FANCD2: variants seen among roughly 807,000 people sequenced by gnomAD.
FANCD2 encodes the protein Fanconi anemia group D2 protein.
A neutral mutation model predicts 192.3 loss-of-function variants in FANCD2; 131 were observed. That is an observed-to-expected ratio of 0.68 (90% CI 0.59 to 0.79). FANCD2 has a LOEUF of 0.79. Among genes scored for constraint, FANCD2 ranks in the 30% least tolerant of loss-of-function variants. The pLI is 0.00. For synonymous variants in FANCD2, 524 were observed against 612.5 expected, an observed-to-expected ratio of 0.86 and a Z score of 2.13; for missense variants, 1,508 against 1,701.6, an observed-to-expected ratio of 0.89 and a Z score of 2.00.
At chr3:10,032,708 G>A in intron 2 of FANCD2, 124 bp from the exon 3 acceptor site, 2 of 785,924 alleles carry the variant, frequency 2.5e-6, no homozygotes, top group Non-Finnish European at 4.3e-6. Flanking sequence ...TTTCACTACA[G>A]CATCAATCCT....
chr3:10,080,856 G>A (rs1693792681), intron 30 of FANCD2, among the ~76,000 whole-genome samples: 1 of 152,172 alleles, frequency 6.6e-6, no homozygotes, highest in East Asian at 1.9e-4. Context: ...TATCTGATTA[G>A]TTATGATAGG....
intron 19 of FANCD2, among the ~76,000 whole-genome samples, chr3:10,061,387 T>G (rs1325927338): frequency 3.9e-5 from 6 of 152,148 alleles, no homozygotes; most frequent in Admixed American, 3.9e-4. Flanking sequence ...TGACACACAT[T>G]AATAATGGGA....
rs772882515 is a variant in FANCD2 at position 10,049,515 on chromosome 3, T to C, written c.1545+10T>C. 18 of 1,601,328 alleles carry C rather than the reference T, an allele frequency of 1.1e-5. No individual in the cohort carries two copies. In the Admixed American group the frequency reaches 1.3e-4, roughly 12 times the overall value. On this transcript the variant is annotated intron_variant, in intron 17 of 43. Transcript: ENST00000675286. The stretch of plus-strand genomic sequence containing the variant: ...TGCTGTCTTTGTAAAGGTATCTTAT[T>C]GGCTTCTTGTACTTTAGATATTGAA...
chr3:10,099,901 G>T (rs993187653), intron 43 of FANCD2, among the ~76,000 whole-genome samples: 6 of 151,936 alleles, frequency 3.9e-5, no homozygotes, highest in African/African-American at 1.5e-4. Context: ...AGATCATTTA[G>T]TATGAAAAGT....
At chr3:10,029,342 A>T (rs185129151) in intron 2 of FANCD2, among the ~76,000 whole-genome samples, 21 of 152,182 alleles carry the variant, frequency 1.4e-4, no homozygotes, top group Non-Finnish European at 2.5e-4. Context: ...TCTACAAAAA[A>T]TTTTTTTAAT....
At chr3:10,090,511 G>A (rs902397199) in intron 37 of FANCD2, 126 bp downstream of exon 37, 1 of 630,440 alleles carries the variant, frequency 1.6e-6, no homozygotes, top group African/African-American at 2.0e-5. Context: ...CCAGACTGGA[G>A]TGCAGTGGCA....
chr3:10,057,831 G>A (rs1229657896), intron 18 of FANCD2: 9 of 175,508 alleles, frequency 5.1e-5, no homozygotes, highest in African/African-American at 7.2e-5. Flanking sequence ...ACCAGTCTTA[G>A]TTTTAAATGA....
At chr3:10,069,886 C>T (rs549477710) in intron 26 of FANCD2, among the ~76,000 whole-genome samples, 20 of 152,114 alleles carry the variant, frequency 1.3e-4, no homozygotes, top group East Asian at 2.0e-4. Flanking sequence ...GCCGCCACCC[C>T]GTCTGGGAAG....
At chr3:10,060,088 AC>A (rs2087521531) in intron 18 of FANCD2, among the ~76,000 whole-genome samples, 1 of 150,846 alleles carries the variant, frequency 6.6e-6, no homozygotes, top group East Asian at 1.9e-4. Flanking sequence ...AATCGTTTGA[AC>A]CTGGGAGGCA....
chr3:10,073,610 C>G (rs1385689775), intron 28 of FANCD2, among the ~76,000 whole-genome samples: 37 of 151,906 alleles, frequency 2.4e-4, no homozygotes, highest in African/African-American at 8.7e-4. Context: ...TTTTTTGTAC[C>G]CCAGCAGTAC....
At position 10,046,683 on chromosome 3, in the gene FANCD2, A is replaced by G. The variant is rs146098472; in HGVS notation, c.1238A>G (p.Gln413Arg). The part of the protein sequence containing the change: ...LRNKIRSGCI[Q>R]EQLLQSTFSV... ...AATAAGATTCGATCAGGCTGCATTC[A>G]AGAACAGCTGCTCCAGAGTACATTC... is the stretch of plus-strand genomic sequence containing the variant. The change falls in exon 15 of 44, where the codon CAA becomes CGA. Residue 413 changes from glutamine (Q) to arginine (R), a missense_variant. Coordinates refer to ENST00000675286, the MANE Select transcript of FANCD2 (RefSeq NM_001018115.3). 5 of 1,614,032 alleles carry G rather than the reference A, an allele frequency of 3.1e-6. No homozygotes were observed. The African/African-American group carries it at 6.7e-5, about 22-fold the overall frequency.
chr3:10,076,724 ATTTG>A (rs781392128), intron 29 of FANCD2, among the ~76,000 whole-genome samples: 10 of 151,504 alleles, frequency 6.6e-5, no homozygotes, highest in Non-Finnish European at 1.3e-4. Flanking sequence ...TAGTTTTTTT[ATTTG>A]TTTGTTTGTT....
chr3:10,042,531 AT>A (rs768718346), intron 10 of FANCD2, 27 bp from the exon 11 acceptor site: 4 of 1,553,446 alleles, frequency 2.6e-6, no homozygotes, highest in Non-Finnish European at 3.6e-6. Context: ...ATGAAAACCT[AT>A]TAAGTTTCTG....
chr3:10,043,820 T>G lies in FANCD2; in HGVS notation c.1099-9T>G. The G allele has an allele frequency of 6.2e-7, 1 of 1,613,254 alleles. No individual in the cohort carries two copies. The highest frequency in any genetic ancestry group is 8.5e-7 in the Non-Finnish European group (1 of 1,179,242). ...ATAATATTTTTGTGACTCTCTCCTG[T>G]TTTTTCAGGCAATTGAAAACACTGC... On this transcript the variant is annotated splice_polypyrimidine_tract_variant and intron_variant, in intron 13 of 43. Coordinates refer to ENST00000675286, the MANE Select transcript of FANCD2 (RefSeq NM_001018115.3).
chr3:10,072,224 T>C (rs1216339972), intron 26 of FANCD2, among the ~76,000 whole-genome samples: 1 of 152,116 alleles, frequency 6.6e-6, no homozygotes, highest in Non-Finnish European at 1.5e-5. Flanking sequence ...TTATTATACA[T>C]TGTGTACCTG....
At chr3:10,079,976 T>G (rs1693743859) in intron 30 of FANCD2, among the ~76,000 whole-genome samples, 1 of 151,096 alleles carries the variant, frequency 6.6e-6, no homozygotes, top group African/African-American at 2.4e-5. Flanking sequence ...GTGCAGTGGC[T>G]TGATCTTGGC....
In FANCD2 at chr3:10,088,822, A is replaced by G. The variant is rs1408207598; in HGVS notation, c.3561-6A>G. ...TAGTGGGTCAAATATTTGACTCTCA[A>G]TGCAGTATCTACCTGGAGCACACAG... On this transcript the variant is annotated splice_polypyrimidine_tract_variant and splice_region_variant and intron_variant, in intron 35 of 43. Transcript: ENST00000675286. 6.2e-7 allele frequency: 1 copy of G among 1,614,016 alleles called. No homozygotes were observed.
chr3:10,073,336 C>G lies in FANCD2; in HGVS notation c.2689C>G (p.Pro897Ala), dbSNP rs1559394784. ...EEKNSECDPT[P>A]SHRGQLNKEF... ...GAAAAATTCAGAATGTGACCCTACG[C>G]CATCTCATAGAGGCCAGCTAAACAA... is the stretch of plus-strand genomic sequence containing the variant. The change falls in exon 28 of 44, where the codon CCA (proline) becomes GCA (alanine). Residue 897 changes from proline (P) to alanine (A), a missense_variant. By Grantham distance (27) the Pro-to-Ala change is conservative (BLOSUM62 -1). This residue lies in a region of FANCD2 where 796 missense variants were observed against 879.4 expected (regional missense o/e 0.91). Transcript: ENST00000675286. 1.2e-6 allele frequency: 2 copies of G among 1,613,100 alleles called. No homozygotes were observed. The highest frequency in any genetic ancestry group is 1.7e-6 in the Non-Finnish European group (2 of 1,179,098).
At chr3:10,037,788 G>A (rs1314782605) in intron 7 of FANCD2, 2 of 151,848 alleles carry the variant, frequency 1.3e-5, no homozygotes, top group Admixed American at 1.3e-4. Flanking sequence ...ACAAACCCAG[G>A]TTACACATAG....
Sources: gnomAD v4.1 joint callset for allele counts (sites outside exome capture counted in the v4.1 genomes callset) on GRCh38, gnomAD v4.1.1 for gene constraint, gnomAD v4.1.1 regional missense constraint, MANE v1.5 for transcripts, NCBI Gene and HGNC (gene_info 2026-07-23, HGNC 2026-07-21) for gene names.